SOX5: variants seen among roughly 807,000 people sequenced by gnomAD.
SOX5 encodes the protein transcription factor SOX-5.
A neutral mutation model predicts 92.0 loss-of-function variants in SOX5; 9 were observed. The observed-to-expected ratio is 0.10, with a 90% CI of 0.06 to 0.17. The LOEUF (loss-of-function observed/expected upper bound fraction) is 0.17, where lower values mean the gene tolerates loss of function less well. Ranked by LOEUF, SOX5 falls within the 10% of genes least tolerant of loss-of-function variation. The probability of loss-of-function intolerance (pLI) is 1.00; values close to 1 mark genes in which losing one functional copy is unlikely to be tolerated. For missense variants in SOX5, 642 were observed against 944.5 expected, an observed-to-expected ratio of 0.68 and a Z score of 4.20; for synonymous variants, 344 against 336.3, an observed-to-expected ratio of 1.02 and a Z score of -0.25.
At chr12:23,580,426 A>C (rs1949883712) in intron 9 of SOX5, among the ~76,000 whole-genome samples, 1 of 152,060 alleles carries the variant, frequency 6.6e-6, no homozygotes, top group Non-Finnish European at 1.5e-5. Context: ...TAAAAAGTTA[A>C]GGCGCAAATT....
At chr12:24,328,589 T>C (rs1389945971) in intron 2 of SOX5, among the ~76,000 whole-genome samples, 1 of 152,222 alleles carries the variant, frequency 6.6e-6, no homozygotes, top group Non-Finnish European at 1.5e-5. Context: ...CTCCCTGTAG[T>C]GGAGCTGCTA....
intron 7 of SOX5, among the ~76,000 whole-genome samples, chr12:23,652,507 C>G (rs1012912942): frequency 7.3e-6 from 1 of 137,526 alleles, no homozygotes; most frequent in Non-Finnish European, 1.5e-5. Flanking sequence ...TAGCCTAGAC[C>G]TCTTCTACTG....
chr12:23,591,113 T>A (rs901432550), intron 9 of SOX5, among the ~76,000 whole-genome samples: 4 of 152,038 alleles, frequency 2.6e-5, no homozygotes, highest in Non-Finnish European at 5.9e-5. Context: ...TAAAAAAATA[T>A]ATAGTTATAC....
intron 1 of SOX5, among the ~76,000 whole-genome samples, chr12:24,417,071 TTC>T (rs941971825): frequency 1.3e-5 from 2 of 152,170 alleles, no homozygotes; most frequent in Non-Finnish European, 2.9e-5. Context: ...TGTTGCAACT[TTC>T]TCTTTCTCTG....
chr12:24,218,707 T>C (rs1325689969), intron 3 of SOX5, among the ~76,000 whole-genome samples: 1 of 152,130 alleles, frequency 6.6e-6, no homozygotes. Context: ...TTAGTCTCAT[T>C]ATCTTTTTTT....
intron 3 of SOX5, among the ~76,000 whole-genome samples, chr12:24,242,742 C>T (rs1303594278): frequency 1.6e-4 from 25 of 152,104 alleles, no homozygotes; most frequent in Non-Finnish European, 1.5e-5. Flanking sequence ...CAGGGGGAAG[C>T]AGATCCTCAT....
At chr12:24,116,973 CAA>C (rs3031105) in intron 4 of SOX5, among the ~76,000 whole-genome samples, 10,308 of 126,818 alleles carry the variant, frequency 0.081, 545 homozygotes, top group African/African-American at 0.16. Context: ...TCTAAAAATG[CAA>C]AAAAAAAAAA....
At chr12:24,458,265 A>T (rs886592632) in intron 1 of SOX5, among the ~76,000 whole-genome samples, 4 of 152,248 alleles carry the variant, frequency 2.6e-5, no homozygotes, top group African/African-American at 4.8e-5. Context: ...AATATTTGAC[A>T]TTAATGCATA....
chr12:23,803,120 A>G (rs1223810869), intron 3 of SOX5, among the ~76,000 whole-genome samples: 2 of 152,288 alleles, frequency 1.3e-5, no homozygotes, highest in East Asian at 1.9e-4. Context: ...CTCTATCACA[A>G]TCTCTCCCAC....
At chr12:23,998,866 A>T (rs1951308338) in intron 4 of SOX5, among the ~76,000 whole-genome samples, 4 of 151,886 alleles carry the variant, frequency 2.6e-5, no homozygotes. Context: ...AATGGCCACA[A>T]ACTTCACAAA....
intron 4 of SOX5, among the ~76,000 whole-genome samples, chr12:24,136,278 CA>C (rs1336226169): frequency 2.0e-5 from 3 of 152,228 alleles, no homozygotes; most frequent in Non-Finnish European, 4.4e-5. Flanking sequence ...GGGAGACACG[CA>C]GTGGAGTAGA....
chr12:24,106,435 A>G (rs1946676817), intron 4 of SOX5, among the ~76,000 whole-genome samples: 1 of 152,196 alleles, frequency 6.6e-6, no homozygotes, highest in Non-Finnish European at 1.5e-5. Flanking sequence ...GGGAAACGTA[A>G]AATAATTCAT....
intron 3 of SOX5, among the ~76,000 whole-genome samples, chr12:24,229,887 G>T (rs1963001350): frequency 6.6e-6 from 1 of 151,966 alleles, no homozygotes; most frequent in Non-Finnish European, 1.5e-5. Flanking sequence ...TTTTATTCCA[G>T]GCAGTTATAA....
At position 23,940,906 on chromosome 12, in the gene SOX5, C is replaced by T. The variant is rs193110187; in HGVS notation, c.38+8658G>A. Among the ~76,000 whole-genome samples the T allele has an allele frequency of 1.5e-4, 22 of 151,364 alleles. 1 individual carries two copies. The highest frequency in any genetic ancestry group is 1.4e-3 in the East Asian group (7 of 5,152). On this transcript the variant is annotated intron_variant, in intron 1 of 14. Transcript: ENST00000451604. ...CATACCTTGATTCACCCAACGTCTT[C>T]GGTTCAAATTTTCCATTAAATATGC...
chr12:23,662,132 A>G (rs1469714656), intron 7 of SOX5, among the ~76,000 whole-genome samples: 2 of 152,042 alleles, frequency 1.3e-5, no homozygotes, highest in Non-Finnish European at 2.9e-5. Context: ...ATACACACAC[A>G]TTATATATAT....
At chr12:23,862,691 A>G (rs925215356) in intron 2 of SOX5, among the ~76,000 whole-genome samples, 1 of 152,202 alleles carries the variant, frequency 6.6e-6, no homozygotes, top group African/African-American at 2.4e-5. Flanking sequence ...TTATTCTTTC[A>G]ATCTGACAAA....
chr12:24,004,079 T>C (rs1951888871), intron 4 of SOX5, among the ~76,000 whole-genome samples: 1 of 152,060 alleles, frequency 6.6e-6, no homozygotes, highest in African/African-American at 2.4e-5. Context: ...CAAGTTGTGC[T>C]GCAACAATTA....
intron 4 of SOX5, among the ~76,000 whole-genome samples, chr12:24,065,454 C>T (rs943328147): frequency 6.6e-6 from 1 of 152,042 alleles, no homozygotes; most frequent in African/African-American, 2.4e-5. Context: ...CGAGAACATC[C>T]TGACTAACAT....
chr12:24,110,623 C>T (rs1305866914), intron 4 of SOX5, among the ~76,000 whole-genome samples: 1 of 152,074 alleles, frequency 6.6e-6, no homozygotes, highest in Non-Finnish European at 1.5e-5. Context: ...TGGTGGCTCA[C>T]GCCTGTAATC....
Sources: allele counts gnomAD v4.1 joint callset (sites outside exome capture counted in the v4.1 genomes callset), GRCh38; gene constraint gnomAD v4.1.1; transcripts MANE v1.5; gene names NCBI Gene and HGNC (gene_info 2026-07-23, HGNC 2026-07-21).